Variants in BRIP1 observed in about 807,000 individuals in gnomAD.
BRIP1 encodes BRCA1 interacting DNA helicase 1, also known as Fanconi anemia group J protein.
In BRIP1, 88 loss-of-function variants were observed where a neutral mutation model predicts 119.7. The observed-to-expected ratio is 0.74, with a 90% CI of 0.62 to 0.88. The LOEUF is 0.88. Among genes scored for constraint, BRIP1 ranks in the 40% least tolerant of loss-of-function variants. BRIP1 has a pLI of 0.00. For missense variants in BRIP1, 1,259 were observed against 1,455.4 expected (o/e 0.87, Z 2.20); for synonymous variants, 443 against 496.5 (o/e 0.89, Z 1.43).
At chr17:61,765,386 T>C in intron 14 of BRIP1, among the ~76,000 whole-genome samples, 1 of 19,390 alleles carries the variant, frequency 5.2e-5, no homozygotes, top group East Asian at 1.6e-3. Flanking sequence ...ATATTATATA[T>C]ATATATATAT....
In BRIP1 at chr17:61,789,992, C is replaced by G. The variant is rs773970255; in HGVS notation, c.1473+3605G>C. On this transcript the variant is annotated intron_variant, in intron 10 of 19. Transcript: ENST00000259008. The surrounding 1 kb of genome is among the most constrained non-coding windows in gnomAD (Gnocchi z 4.8). ...AACATATACAGTAGAATGAACTAATCTTACATGTACACCTCACTAAATACA... is the reference window on the plus strand; with the variant it reads ...AACATATACAGTAGAATGAACTAATGTTACATGTACACCTCACTAAATACA... 5.9e-5 allele frequency among the ~76,000 whole-genome samples: 9 copies of G among 152,016 alleles called. No individual in the cohort carries two copies. The highest frequency in any genetic ancestry group is 1.0e-4 in the Non-Finnish European group (7 of 67,994).
chr17:61,703,766 G>A lies in BRIP1; in HGVS notation c.2493-10254C>T, dbSNP rs1426613588. ...TTTTCTTCAAGGGTTTTTAGTTTAA[G>A]GTTTTACATTTAAGTCTTTAATTCA... On this transcript the variant is annotated intron_variant, in intron 17 of 19. Transcript: ENST00000259008. The surrounding 1 kb of genome is among the most constrained non-coding windows in gnomAD (Gnocchi z 5.0). Among the ~76,000 whole-genome samples, 1 of 152,006 alleles carries A rather than the reference G, an allele frequency of 6.6e-6. No homozygotes were observed. The highest frequency in any genetic ancestry group is 1.5e-5 in the Non-Finnish European group (1 of 68,006).
rs2078064270 is a variant in BRIP1, at chr17:61,805,700, G to A, written c.918+2767C>T. 6.6e-6 allele frequency among the ~76,000 whole-genome samples: 1 copy of A among 152,134 alleles called. No individual in the cohort carries two copies. Among genetic ancestry groups the A allele is most frequent in the African/African-American group, 2.4e-5 (1 of 41,424 alleles). On this transcript the variant is annotated intron_variant, in intron 7 of 19. Coordinates refer to ENST00000259008, the MANE Select transcript of BRIP1 (RefSeq NM_032043.3). This position sits in a 1 kb window ranked among gnomAD's most constrained non-coding sequence, Gnocchi z 5.6. ...ATTCCTTCCAGCTCTAAAATTCTGTGATTCAGGTAAAAACGTGTCAATCAT... is the reference window on the plus strand; with the variant it reads ...ATTCCTTCCAGCTCTAAAATTCTGTAATTCAGGTAAAAACGTGTCAATCAT...
At position 61,794,144 on chromosome 17, in the gene BRIP1, A is replaced by G. The variant is rs1198408482; in HGVS notation, c.1341-415T>C. Among the ~76,000 whole-genome samples, 1 of 152,202 alleles carries G rather than the reference A, an allele frequency of 6.6e-6. No individual in the cohort carries two copies. Among genetic ancestry groups the G allele is most frequent in the Non-Finnish European group, 1.5e-5 (1 of 68,034 alleles). ...GAGAATTACTAGAAAATATATAAAT[A>G]CATTCATTGATATATATACACATTC... On this transcript the variant is annotated intron_variant, in intron 9 of 19. Transcript: ENST00000259008. The surrounding 1 kb of genome is among the most constrained non-coding windows in gnomAD (Gnocchi z 4.3).
rs1336406169 is a variant in BRIP1, at chr17:61,832,509, G to A, written c.627+14592C>T. The stretch of plus-strand genomic sequence containing the variant: ...ATCATTAATGAGAAAAAATGAAACT[G>A]CGTGCCACCTTATAAGATGCAATGA... On this transcript the variant is annotated intron_variant, in intron 6 of 19. Transcript: ENST00000259008. The surrounding 1 kb of genome is among the most constrained non-coding windows in gnomAD (Gnocchi z 5.5). 6.6e-6 allele frequency among the ~76,000 whole-genome samples: 1 copy of A among 152,144 alleles called. No individual in the cohort carries two copies. The highest frequency in any genetic ancestry group is 1.5e-5 in the Non-Finnish European group (1 of 68,010).
chr17:61,701,746 T>C lies in BRIP1; in HGVS notation c.2493-8234A>G, dbSNP rs138192002. On this transcript the variant is annotated intron_variant, in intron 17 of 19. Transcript: ENST00000259008. The surrounding 1 kb of genome is among the most constrained non-coding windows in gnomAD (Gnocchi z 5.1). Reference sequence around the variant, plus strand: ...TCTCACTTGCCCCAAATGTCATTCATTGTCTCAGGCAACTGTGAAGTTAAA... The same window carrying C: ...TCTCACTTGCCCCAAATGTCATTCACTGTCTCAGGCAACTGTGAAGTTAAA... Among the ~76,000 whole-genome samples, 72 of 152,318 alleles carry C rather than the reference T, an allele frequency of 4.7e-4. No homozygotes were observed. Among genetic ancestry groups the C allele is most frequent in the Middle Eastern group, 3.4e-3 (1 of 294 alleles).
At chr17:61,728,744 A>G (rs772497098) in intron 16 of BRIP1, among the ~76,000 whole-genome samples, 4 of 152,224 alleles carry the variant, frequency 2.6e-5, no homozygotes, top group Non-Finnish European at 5.9e-5. Context: ...ATTGGATGAT[A>G]GCAGGATATT....
At position 61,809,323 on chromosome 17, in the gene BRIP1, T is replaced by C. The variant is rs999113460; in HGVS notation, c.628-566A>G. On this transcript the variant is annotated intron_variant, in intron 6 of 19. Transcript: ENST00000259008. The surrounding 1 kb of genome is among the most constrained non-coding windows in gnomAD (Gnocchi z 5.2). ...AGGTACGAAAATAAATGCAAAATAT[T>C]AATATTTAATAATGAAAGCAGGTTG... Among the ~76,000 whole-genome samples the C allele has an allele frequency of 2.0e-5, 3 of 152,146 alleles. No homozygotes were observed. The East Asian group carries it at 5.8e-4, about 29-fold the overall frequency.
Position 61,720,939 on chromosome 17 carries a change from G to T in BRIP1, c.2380-4876C>A, listed in dbSNP as rs7342839. ...GCTCACTGCAACCTCCGCCTCCCAGGTTCAAGCAGTTCTCCTCTCAGCCTC... is the reference window on the plus strand; with the variant it reads ...GCTCACTGCAACCTCCGCCTCCCAGTTTCAAGCAGTTCTCCTCTCAGCCTC... On this transcript the variant is annotated intron_variant, in intron 16 of 19. Transcript: ENST00000259008. The surrounding 1 kb of genome is among the most constrained non-coding windows in gnomAD (Gnocchi z 4.3). Among the ~76,000 whole-genome samples the T allele has an allele frequency of 4.7e-3, 721 of 152,130 alleles. 6 individuals carry two copies. Among genetic ancestry groups the T allele is most frequent in the African/African-American group, 0.016 (683 of 41,504 alleles).
rs533377087 is a variant in BRIP1, at chr17:61,745,689, A to T, written c.2098-1098T>A. 3.9e-5 allele frequency among the ~76,000 whole-genome samples: 6 copies of T among 152,212 alleles called. No homozygotes were observed. The highest frequency in any genetic ancestry group is 1.4e-4 in the African/African-American group (6 of 41,454). On this transcript the variant is annotated intron_variant, in intron 14 of 19. Coordinates refer to ENST00000259008, the MANE Select transcript of BRIP1 (RefSeq NM_032043.3). This position sits in a 1 kb window ranked among gnomAD's most constrained non-coding sequence, Gnocchi z 4.4. ...TGGCTGTAAAACTCATATTCTTAAA[A>T]ACCATATGAGTTAAATAGAAAAAAC...
chr17:61,836,904 G>C (rs1213609943), intron 6 of BRIP1, among the ~76,000 whole-genome samples: 3 of 152,152 alleles, frequency 2.0e-5, no homozygotes, highest in African/African-American at 7.2e-5. Context: ...GAATAGTGAG[G>C]TGGTTTAGAG....
chr17:61,679,989 A>G lies in BRIP1; in HGVS notation c.*3307T>C, dbSNP rs886053199. On this transcript the variant is annotated 3_prime_UTR_variant, in exon 20 of 20. Coordinates refer to ENST00000259008, the MANE Select transcript of BRIP1 (RefSeq NM_032043.3). The surrounding 1 kb of genome is among the most constrained non-coding windows in gnomAD (Gnocchi z 4.4). ...TACTAAAGGGTTGTGACACATCTCT[A>G]TGTACATTCTCAGTAATGAAAATTT... Among the ~76,000 whole-genome samples the G allele has an allele frequency of 2.0e-5, 3 of 152,136 alleles. No individual in the cohort carries two copies. Among genetic ancestry groups the G allele is most frequent in the Admixed American group, 1.3e-4 (2 of 15,278 alleles).
chr17:61,680,520 C>A lies in BRIP1; in HGVS notation c.*2776G>T, dbSNP rs2061257379. ...TTTGAGACGGAGTCCCGCTCTGTCG[C>A]CCAGGCTGGAGTGCAGTGGCGCAAT... On this transcript the variant is annotated 3_prime_UTR_variant, in exon 20 of 20. Coordinates refer to ENST00000259008, the MANE Select transcript of BRIP1 (RefSeq NM_032043.3). Among the ~76,000 whole-genome samples the A allele has an allele frequency of 1.5e-5, 2 of 135,294 alleles. No homozygotes were observed. Among genetic ancestry groups the A allele is most frequent in the Admixed American group, 1.6e-4 (2 of 12,158 alleles). The allele number at this position is 135,294 out of a possible 152,430, so 88.8% of individuals were successfully genotyped here. A position where few individuals can be genotyped will look rare whatever the true frequency, so the allele number is the denominator to read the frequency against.
chr17:61,769,956 G>C lies in BRIP1; in HGVS notation c.2097+6445C>G, dbSNP rs1052474425. On this transcript the variant is annotated intron_variant, in intron 14 of 19. Transcript: ENST00000259008. This position sits in a 1 kb window ranked among gnomAD's most constrained non-coding sequence, Gnocchi z 4.9. The stretch of plus-strand genomic sequence containing the variant: ...GACATTACCTCTAAAAATCCCACCA[G>C]GTTCCCACAGTAAAGAGCCAAGAAA... Among the ~76,000 whole-genome samples the C allele has an allele frequency of 1.3e-5, 2 of 152,176 alleles. No individual in the cohort carries two copies. The highest frequency in any genetic ancestry group is 4.8e-5 in the African/African-American group (2 of 41,440).
intron 17 of BRIP1, among the ~76,000 whole-genome samples, chr17:61,702,246 AGTTGTTGTTGTT>A (rs145898869): frequency 1.3e-5 from 2 of 151,834 alleles, no homozygotes; most frequent in African/African-American, 4.8e-5. Context: ...ATTGATCTAT[AGTTGTTGTTGTT>A]GTTGTTGTTG....
chr17:61,792,770 C>T (rs931459818), intron 10 of BRIP1, among the ~76,000 whole-genome samples: 3 of 152,070 alleles, frequency 2.0e-5, no homozygotes, highest in African/African-American at 7.2e-5. Flanking sequence ...CTAGGCAAAA[C>T]CTAATTGAAC....
chr17:61,820,882 G>A (rs9896152), intron 6 of BRIP1, among the ~76,000 whole-genome samples: 2,806 of 151,880 alleles, frequency 0.018, 88 homozygotes, highest in African/African-American at 0.064. Context: ...CCAGGGAAGC[G>A]GAGGTTGCAG....
Position 61,693,207 on chromosome 17 carries a change from A to AG in BRIP1, c.2575+222dup, listed in dbSNP as rs1491427457. Among the ~76,000 whole-genome samples, 3 of 152,072 alleles carry AG rather than the reference A, an allele frequency of 2.0e-5. No individual in the cohort carries two copies. Among genetic ancestry groups the AG allele is most frequent in the African/African-American group, 2.4e-5 (1 of 41,420 alleles). ...AGTATAGCGGTGGTTGTCAGTGGAC[A>AG]GGGGGGAGAGGGACATGGGGCATTG... On this transcript the variant is annotated intron_variant, in intron 18 of 19. Transcript: ENST00000259008. This position sits in a 1 kb window ranked among gnomAD's most constrained non-coding sequence, Gnocchi z 4.2.
At chr17:61,702,200 C>T (rs905496079) in intron 17 of BRIP1, among the ~76,000 whole-genome samples, 10 of 152,268 alleles carry the variant, frequency 6.6e-5, no homozygotes, top group African/African-American at 2.2e-4. Context: ...TGCTGGCACT[C>T]TGTTGAGGAC....
Sources: gnomAD v4.1 joint callset for allele counts (sites outside exome capture counted in the v4.1 genomes callset) on GRCh38, gnomAD v4.1.1 for gene constraint, Gnocchi (gnomAD v3.1) non-coding constraint, MANE v1.5 for transcripts, NCBI Gene and HGNC (gene_info 2026-07-23, HGNC 2026-07-21) for gene names.